Variants in PHC3 observed in about 807,000 individuals in gnomAD.
The protein encoded by PHC3 is polyhomeotic-like protein 3.
Under a neutral mutation model 107.4 loss-of-function variants are expected in PHC3, and 13 were observed. The observed-to-expected ratio is 0.12, with a 90% CI of 0.08 to 0.19. The LOEUF (loss-of-function observed/expected upper bound fraction) is 0.19. Among genes scored for constraint, PHC3 ranks in the 10% least tolerant of loss-of-function variants. The probability of loss-of-function intolerance (pLI) is 1.00; values close to 1 mark genes in which losing one functional copy is unlikely to be tolerated. For synonymous variants in PHC3, 456 were observed against 427.4 expected, an observed-to-expected ratio of 1.07 and a Z score of -0.83; for missense variants, 992 against 1,210.9, an observed-to-expected ratio of 0.82 and a Z score of 2.68.
intron 4 of PHC3, chr3:170,150,708 A>AAATACTAGTAATAATAATAATAATATT (rs1725805252): frequency 2.3e-6 from 1 of 425,676 alleles, no homozygotes. Context: ...GCGACACTCC[A>AAATACTAGTAATAATAATAATAATATT]TCTAAAAAGA....
chr3:170,177,834 C>A (rs185035449), intron 2 of PHC3, among the ~76,000 whole-genome samples: 1 of 148,994 alleles, frequency 6.7e-6, no homozygotes, highest in African/African-American at 2.5e-5. Context: ...CCATGCCCTG[C>A]TGATTTTTGT....
intron 3 of PHC3, 31 bp downstream of exon 3, chr3:170,172,526 T>G: frequency 6.3e-7 from 1 of 1,598,506 alleles, no homozygotes; most frequent in Non-Finnish European, 8.5e-7. Context: ...AACAGAAACT[T>G]TGATCTCATA....
In PHC3 at chr3:170,102,676, A is replaced by C. The variant is rs1478772292; in HGVS notation, c.2636T>G (p.Leu879Trp). The change falls in exon 14 of 15, where the codon TTG (leucine) becomes TGG (tryptophan). Residue 879 changes from leucine (L) to tryptophan (W), a missense_variant. This residue lies in a region of PHC3 where 228 missense variants were observed against 288.8 expected (regional missense o/e 0.79). Coordinates refer to ENST00000495893, the MANE Select transcript of PHC3 (RefSeq NM_024947.4). ...TGGCACAGAATCTTCATGAGAAGCC[A>C]AGTCTTCTTCTGCAGATGGATAAGT... Reference protein sequence around the residue: ...PITYPSAEEDLASHEDSVPSA... With the variant: ...PITYPSAEEDWASHEDSVPSA... The C allele has an allele frequency of 1.2e-6, 2 of 1,613,874 alleles. No individual in the cohort carries two copies. Among genetic ancestry groups the C allele is most frequent in the Non-Finnish European group, 1.7e-6 (2 of 1,179,872 alleles).
chr3:170,168,922 G>A (rs1265353339), intron 4 of PHC3, among the ~76,000 whole-genome samples: 1 of 150,460 alleles, frequency 6.6e-6, no homozygotes, highest in Non-Finnish European at 1.5e-5. Context: ...TCTGTTATAT[G>A]AAATCCTTGC....
intron 10 of PHC3, chr3:170,116,989 AAT>A: frequency 2.0e-6 from 1 of 502,866 alleles, no homozygotes; most frequent in Non-Finnish European, 3.5e-6. Flanking sequence ...AAATTATAAA[AAT>A]ATGTCCTGAA....
intron 4 of PHC3, among the ~76,000 whole-genome samples, chr3:170,164,470 G>A (rs540260310): frequency 1.6e-4 from 25 of 152,114 alleles, no homozygotes; most frequent in African/African-American, 3.6e-4. Context: ...ATGGATACAC[G>A]CAAATAACTT....
At chr3:170,130,075 A>C (rs1425544276) in intron 7 of PHC3, among the ~76,000 whole-genome samples, 2 of 152,242 alleles carry the variant, frequency 1.3e-5, no homozygotes, top group Non-Finnish European at 2.9e-5. Flanking sequence ...AAGTTCTAAA[A>C]GAAAACTGCC....
At chr3:170,138,570 G>A (rs1723513806) in intron 6 of PHC3, among the ~76,000 whole-genome samples, 1 of 151,308 alleles carries the variant, frequency 6.6e-6, no homozygotes, top group African/African-American at 2.4e-5. Context: ...GGTGCCTGTA[G>A]TCCCAGCAGC....
chr3:170,122,517 G>A (rs1417265308), intron 9 of PHC3, 74 bp downstream of exon 9: 2 of 1,510,792 alleles, frequency 1.3e-6, no homozygotes, highest in African/African-American at 1.4e-5. Context: ...GGAGGAAAGG[G>A]AAAAAAATCA....
chr3:170,126,237 G>GA (rs1338577958), intron 8 of PHC3, among the ~76,000 whole-genome samples: 1 of 151,412 alleles, frequency 6.6e-6, no homozygotes, highest in Non-Finnish European at 1.5e-5. Flanking sequence ...TGTTTGAATG[G>GA]AAAAAATAAC....
At chr3:170,132,135 T>C (rs1054312795) in intron 7 of PHC3, among the ~76,000 whole-genome samples, 68 of 152,348 alleles carry the variant, frequency 4.5e-4, no homozygotes, top group African/African-American at 1.6e-3. Context: ...AAACATCTTA[T>C]TGTCAGGATG....
intron 6 of PHC3, among the ~76,000 whole-genome samples, chr3:170,140,344 C>T (rs989719656): frequency 7.2e-5 from 11 of 151,828 alleles, no homozygotes; most frequent in Admixed American, 1.3e-4. Context: ...ACCTCCACCT[C>T]CTGGGTTCAA....
chr3:170,123,183 T>A (rs1428688320), intron 8 of PHC3, among the ~76,000 whole-genome samples: 1 of 152,208 alleles, frequency 6.6e-6, no homozygotes, highest in Admixed American at 6.5e-5. Flanking sequence ...TAGGATTCTA[T>A]CCCAGGCTCT....
At chr3:170,175,015 GCA>G (rs1304205134) in intron 2 of PHC3, among the ~76,000 whole-genome samples, 2 of 152,104 alleles carry the variant, frequency 1.3e-5, no homozygotes, top group Non-Finnish European at 2.9e-5. Flanking sequence ...TCTGTTGTCA[GCA>G]CAGTCTTTCA....
intron 6 of PHC3, 120 bp from the exon 7 acceptor site, chr3:170,136,785 C>T: frequency 9.6e-7 from 1 of 1,038,266 alleles, no homozygotes; most frequent in Non-Finnish European, 1.4e-6. Context: ...ACGTAAAGCT[C>T]CAAGCACTTG....
chr3:170,099,329 TTTC>T (rs757532341), intron 14 of PHC3, among the ~76,000 whole-genome samples: 1 of 152,114 alleles, frequency 6.6e-6, no homozygotes, highest in Non-Finnish European at 1.5e-5. Context: ...AGATCACAAC[TTTC>T]TTAAGCTAAC....
In PHC3 at chr3:170,113,508, G is replaced by C. The variant is rs1718243647; in HGVS notation, c.2205C>G (p.Ser735=). 1.9e-6 allele frequency: 3 copies of C among 1,597,970 alleles called. No individual in the cohort carries two copies. Among genetic ancestry groups the C allele is most frequent in the East Asian group, 4.5e-5 (2 of 44,406 alleles). ...TCACAGGCTGTTCTATTAGCAAAGA[G>C]GAACGACTCACCTTTAAAAAAGGAG... is the stretch of plus-strand genomic sequence containing the variant. ...EGLEPFPVSR[S]SLLIEQPVKK... The change falls in exon 11 of 15, where the codon TCC becomes TCG. Residue 735 remains serine (S), a synonymous_variant. Coordinates refer to ENST00000495893, the MANE Select transcript of PHC3 (RefSeq NM_024947.4).
At chr3:170,146,087 T>C (rs1193811328) in intron 5 of PHC3, among the ~76,000 whole-genome samples, 2 of 152,138 alleles carry the variant, frequency 1.3e-5, no homozygotes, top group African/African-American at 4.8e-5. Context: ...GAAATATTCA[T>C]TCTATGGCCA....
At chr3:170,100,034 A>G (rs1434978393) in intron 14 of PHC3, among the ~76,000 whole-genome samples, 1 of 152,138 alleles carries the variant, frequency 6.6e-6, no homozygotes, top group East Asian at 1.9e-4. Flanking sequence ...GAAGGCGGTA[A>G]TTTTTCATTC....
Sources: gnomAD v4.1 joint callset for allele counts (sites outside exome capture counted in the v4.1 genomes callset) on GRCh38, gnomAD v4.1.1 for gene constraint, gnomAD v4.1.1 regional missense constraint, MANE v1.5 for transcripts, NCBI Gene and HGNC (gene_info 2026-07-23, HGNC 2026-07-21) for gene names.